NREP: variants seen among roughly 807,000 people sequenced by gnomAD.
NREP encodes neuronal regeneration-related protein.
NREP carries 5 observed loss-of-function variants against 8.6 expected under a neutral mutation model. That is an observed-to-expected ratio of 0.58 (90% confidence interval 0.30 to 1.22). The LOEUF is 1.22. Ranked by LOEUF, NREP falls within the 50% of genes most tolerant of loss-of-function variation. The probability of loss-of-function intolerance (pLI) is 0.07; values close to 1 mark genes in which losing one functional copy is unlikely to be tolerated. For synonymous variants in NREP, 27 were observed against 28.0 expected, an observed-to-expected ratio of 0.96 and a Z score of 0.11; for missense variants, 86 against 82.5, an observed-to-expected ratio of 1.04 and a Z score of -0.17.
rs200831013 is a variant in NREP at position 111,831,938 on chromosome 5, AC to A, written c.136-96432del. 2.6e-5 allele frequency among the ~76,000 whole-genome samples: 4 copies of A among 152,272 alleles called. No individual in the cohort carries two copies. In the East Asian group the frequency reaches 7.7e-4, roughly 29 times the overall value. On this transcript the variant is annotated intron_variant, in intron 2 of 3. Transcript: ENST00000395634. ...CAAGATAAAGGTCACTGGGTTGAGTACACTGCTTGCTGAGTGGCCCACGTAG... is the reference window on the plus strand; with the variant it reads ...CAAGATAAAGGTCACTGGGTTGAGTAACTGCTTGCTGAGTGGCCCACGTAG...
At chr5:111,956,263 G>A (rs969136755) in intron 2 of NREP, among the ~76,000 whole-genome samples, 2 of 151,834 alleles carry the variant, frequency 1.3e-5, no homozygotes, top group Non-Finnish European at 2.9e-5. Context: ...TCTGCAGCAA[G>A]AAAATAAACA....
chr5:111,798,303 T>C (rs1019834107), intron 2 of NREP, among the ~76,000 whole-genome samples: 2 of 152,202 alleles, frequency 1.3e-5, no homozygotes, highest in African/African-American at 4.8e-5. Context: ...TCTTTGGAAA[T>C]TGACTTTTTC....
chr5:111,821,574 A>C (rs535292151), intron 2 of NREP, among the ~76,000 whole-genome samples: 1 of 152,334 alleles, frequency 6.6e-6, no homozygotes, highest in African/African-American at 2.4e-5. Context: ...GTCAACATCA[A>C]AGAAATTTCT....
chr5:111,870,728 G>A (rs563473826), intron 2 of NREP, among the ~76,000 whole-genome samples: 28 of 152,184 alleles, frequency 1.8e-4, no homozygotes, highest in African/African-American at 6.3e-4. Context: ...CAAGAAAAGA[G>A]AGAGACACAC....
intron 2 of NREP, among the ~76,000 whole-genome samples, chr5:111,798,457 C>T (rs899687255): frequency 2.6e-5 from 4 of 151,994 alleles, no homozygotes; most frequent in African/African-American, 9.7e-5. Flanking sequence ...GATTTTGGTG[C>T]ACCCATCACC....
chr5:111,765,374 G>C (rs372520308), intron 2 of NREP, among the ~76,000 whole-genome samples: 1 of 152,256 alleles, frequency 6.6e-6, no homozygotes, highest in African/African-American at 2.4e-5. Flanking sequence ...TGCACCTTGG[G>C]GTTGGAGACT....
At chr5:111,861,865 T>C (rs1753551166) in intron 2 of NREP, among the ~76,000 whole-genome samples, 1 of 152,160 alleles carries the variant, frequency 6.6e-6, no homozygotes, top group African/African-American at 2.4e-5. Context: ...TTATTATAGT[T>C]CTGACTATGT....
intron 3 of NREP, chr5:111,734,779 T>C: frequency 1.4e-6 from 1 of 692,382 alleles, no homozygotes; most frequent in Non-Finnish European, 2.6e-6. Context: ...AAAAGTATAC[T>C]CTCCCCGCTT....
intron 2 of NREP, among the ~76,000 whole-genome samples, chr5:111,891,739 G>A (rs538084467): frequency 2.5e-4 from 38 of 152,300 alleles, no homozygotes; most frequent in Non-Finnish European, 4.7e-4. Context: ...GGGAGCAGGA[G>A]CAAGAGGGGA....
At chr5:111,903,903 A>G (rs986682709) in intron 2 of NREP, among the ~76,000 whole-genome samples, 2 of 152,148 alleles carry the variant, frequency 1.3e-5, no homozygotes, top group African/African-American at 4.8e-5. Context: ...AAAGCTCACA[A>G]TTCCTGGTGG....
intron 2 of NREP, among the ~76,000 whole-genome samples, chr5:111,799,283 T>A (rs1751946031): frequency 1.3e-5 from 2 of 152,162 alleles, no homozygotes; most frequent in Non-Finnish European, 2.9e-5. Flanking sequence ...ATTTTAGGAT[T>A]TTTTTTCTAG....
intron 2 of NREP, among the ~76,000 whole-genome samples, chr5:111,958,980 A>G (rs914409725): frequency 6.6e-6 from 1 of 151,986 alleles, no homozygotes. Context: ...CTGGGGAAGG[A>G]CACTGTTCAA....
intron 2 of NREP, chr5:111,949,126 AT>A (rs1253573218): frequency 2.0e-5 from 3 of 152,074 alleles, no homozygotes; most frequent in African/African-American, 7.2e-5. Context: ...ATAGCAATCT[AT>A]TCCAATCACA....
intron 2 of NREP, among the ~76,000 whole-genome samples, chr5:111,843,670 G>C (rs1480363894): frequency 1.3e-5 from 2 of 152,100 alleles, no homozygotes; most frequent in African/African-American, 2.4e-5. Flanking sequence ...TGAAGAGGTA[G>C]GCACCTCCTC....
At chr5:111,969,571 T>A (rs563622301) in intron 2 of NREP, 14 of 152,320 alleles carry the variant, frequency 9.2e-5, no homozygotes, top group Admixed American at 5.9e-4. Flanking sequence ...GTAAATTGAT[T>A]GTTCTCTTTA....
chr5:111,831,218 G>T (rs1352869943), intron 2 of NREP, among the ~76,000 whole-genome samples: 1 of 152,014 alleles, frequency 6.6e-6, no homozygotes, highest in Non-Finnish European at 1.5e-5. Context: ...TGGCTACTGG[G>T]TACATCCCTT....
chr5:111,967,153 C>T (rs185329359), intron 2 of NREP, among the ~76,000 whole-genome samples: 6 of 152,312 alleles, frequency 3.9e-5, no homozygotes, highest in Non-Finnish European at 5.9e-5. Flanking sequence ...ACTTATCCAG[C>T]CCAATACTCC....
intron 2 of NREP, among the ~76,000 whole-genome samples, chr5:111,889,630 C>T (rs1259503803): frequency 1.3e-5 from 2 of 152,174 alleles, no homozygotes; most frequent in African/African-American, 4.8e-5. Context: ...TTTCCTTCTG[C>T]CTATAAGTCT....
At chr5:111,758,019 A>G (rs552599175), upstream of NREP, 23 of 985,506 alleles carry the variant, frequency 2.3e-5, no homozygotes, top group African/African-American at 1.6e-4. Context: ...GCCTGTCCTG[A>G]GCGAAGCAGA....
Sources: allele counts gnomAD v4.1 joint callset (sites outside exome capture counted in the v4.1 genomes callset), GRCh38; gene constraint gnomAD v4.1.1; transcripts MANE v1.5; gene names NCBI Gene and HGNC (gene_info 2026-07-23, HGNC 2026-07-21).